The following FHAD1 variants were observed in gnomAD, a reference collection of about 807,000 sequenced individuals.
The protein encoded by FHAD1 is forkhead-associated domain-containing protein 1.
A neutral mutation model predicts 191.3 loss-of-function variants in FHAD1; 146 were observed. That is an observed-to-expected ratio of 0.76 (90% CI 0.67 to 0.88). The LOEUF (loss-of-function observed/expected upper bound fraction) is 0.88. Ranked by LOEUF, FHAD1 falls within the 40% of genes least tolerant of loss-of-function variation. The probability of loss-of-function intolerance (pLI) is 0.00; values close to 1 mark genes in which losing one functional copy is unlikely to be tolerated. For synonymous variants in FHAD1, 616 were observed against 672.3 expected (o/e 0.92, Z 1.29); for missense variants, 1,635 against 1,785.8 (o/e 0.92, Z 1.52).
At chr1:15,353,704 C>CAAAAAAAAAAAAAAAAAAA (rs60518389) in intron 20 of FHAD1, among the ~76,000 whole-genome samples, 127 of 60,840 alleles carry the variant, frequency 2.1e-3, no homozygotes, top group Admixed American at 3.1e-3. Context: ...GACTCCATCT[C>CAAAAAAAAAAAAAAAAAAA]AAAAAAAAAA....
At chr1:15,331,146 A>C (rs545385486) in intron 14 of FHAD1, among the ~76,000 whole-genome samples, 2 of 152,210 alleles carry the variant, frequency 1.3e-5, no homozygotes, top group Admixed American at 6.5e-5. Context: ...CAGAGCAAGG[A>C]ATGCAGGATG....
chr1:15,256,906 C>A (rs918849208), intron 2 of FHAD1, among the ~76,000 whole-genome samples: 1 of 152,118 alleles, frequency 6.6e-6, no homozygotes, highest in African/African-American at 2.4e-5. Context: ...TAGTTGACTC[C>A]TTTCTCTCTA....
intron 31 of FHAD1, chr1:15,383,362 A>G (rs892075759): frequency 3.6e-5 from 15 of 417,808 alleles, no homozygotes; most frequent in African/African-American, 2.8e-4. Flanking sequence ...CATGCTGCCC[A>G]TGACCCATGC....
intron 11 of FHAD1, 191 bp from the exon 12 acceptor site, chr1:15,326,868 G>A (rs2101770591): frequency 1.8e-6 from 1 of 561,558 alleles, no homozygotes. Flanking sequence ...AGTAATTAAA[G>A]CCTGCTGTTC....
At chr1:15,301,791 C>T (rs2100905729) in intron 6 of FHAD1, among the ~76,000 whole-genome samples, 1 of 152,318 alleles carries the variant, frequency 6.6e-6, no homozygotes, top group African/African-American at 2.4e-5. Flanking sequence ...CTTTGGGAGG[C>T]TGAGGCAGGC....
chr1:15,351,213 T>G (rs1466457997), intron 19 of FHAD1, among the ~76,000 whole-genome samples: 2 of 152,190 alleles, frequency 1.3e-5, no homozygotes, highest in East Asian at 1.9e-4. Context: ...GGCCTGGTGG[T>G]GCACACCTGT....
intron 26 of FHAD1, among the ~76,000 whole-genome samples, chr1:15,372,143 T>C (rs1441096884): frequency 6.7e-6 from 1 of 149,748 alleles, no homozygotes; most frequent in Non-Finnish European, 1.5e-5. Context: ...ATGGGGGTGG[T>C]CAGGTGATCA....
intron 1 of FHAD1, among the ~76,000 whole-genome samples, chr1:15,237,417 C>T (rs1375158564): frequency 6.6e-6 from 1 of 152,144 alleles, no homozygotes; most frequent in Non-Finnish European, 1.5e-5. Context: ...TTCCTTCTCT[C>T]CCTCCTGAAA....
intron 2 of FHAD1, among the ~76,000 whole-genome samples, chr1:15,257,678 G>A (rs1573702789): frequency 6.6e-6 from 1 of 152,216 alleles, no homozygotes; most frequent in South Asian, 2.1e-4. Context: ...CAATGCATGG[G>A]CCTACTTTCC....
At chr1:15,359,567 G>T (rs1693999862) in intron 21 of FHAD1, among the ~76,000 whole-genome samples, 1 of 152,140 alleles carries the variant, frequency 6.6e-6, no homozygotes, top group East Asian at 1.9e-4. Flanking sequence ...GCAAATTCTG[G>T]CTGAGCACAG....
intron 10 of FHAD1, among the ~76,000 whole-genome samples, chr1:15,321,043 T>A (rs1676081670): frequency 6.6e-6 from 1 of 152,210 alleles, no homozygotes; most frequent in South Asian, 2.1e-4. Flanking sequence ...CAAGCAATTG[T>A]CCTGCCTCAG....
At chr1:15,362,508 C>G (rs1183865752) in intron 22 of FHAD1, 134 bp from the exon 23 acceptor site, 5 of 692,780 alleles carry the variant, frequency 7.2e-6, no homozygotes, top group Admixed American at 4.3e-5. Context: ...ACATGGCACA[C>G]GTGCAGGTCT....
rs2496336 is a variant in FHAD1 at position 15,386,812 on chromosome 1, G to C, written c.4189-1239G>C. 5.4e-4 allele frequency among the ~76,000 whole-genome samples: 82 copies of C among 151,702 alleles called. 1 individual carries two copies. The highest frequency in any genetic ancestry group is 1.8e-3 in the African/African-American group (75 of 41,340). ...CCTTAGCGAACACAACCTCTCAATC[G>C]TGCTCTTTTCTCTTTTTCTTTTTTT... On this transcript the variant is annotated intron_variant, in intron 31 of 33. Transcript: ENST00000688493.
intron 5 of FHAD1, 113 bp downstream of exon 5, chr1:15,296,906 AC>A: frequency 1.4e-6 from 1 of 726,360 alleles, no homozygotes; most frequent in Non-Finnish European, 2.3e-6. Context: ...CTTCCAAGAA[AC>A]CACCTCTTAC....
intron 23 of FHAD1, among the ~76,000 whole-genome samples, chr1:15,363,300 A>G (rs1387846810): frequency 1.3e-5 from 2 of 152,196 alleles, no homozygotes; most frequent in Non-Finnish European, 2.9e-5. Context: ...TCAGTAGTCC[A>G]CAAATCTATT....
intron 31 of FHAD1, among the ~76,000 whole-genome samples, chr1:15,387,342 T>G (rs544937188): frequency 6.6e-6 from 1 of 152,222 alleles, no homozygotes; most frequent in South Asian, 2.1e-4. Flanking sequence ...TTGGTAGATG[T>G]GTGGGATGAG....
At chr1:15,393,812 A>G (rs1280268331) in intron 33 of FHAD1, among the ~76,000 whole-genome samples, 1 of 151,760 alleles carries the variant, frequency 6.6e-6, no homozygotes, top group Non-Finnish European at 1.5e-5. Flanking sequence ...TTAAATAATA[A>G]CTTTGAGCCC....
intron 6 of FHAD1, among the ~76,000 whole-genome samples, chr1:15,306,882 G>A (rs1670661918): frequency 6.6e-6 from 1 of 152,208 alleles, no homozygotes; most frequent in Admixed American, 6.5e-5. Flanking sequence ...TGGGGTCAGA[G>A]CCCCCACACA....
chr1:15,237,367 T>C (rs1440160086), intron 1 of FHAD1, among the ~76,000 whole-genome samples: 1 of 152,154 alleles, frequency 6.6e-6, no homozygotes, highest in Non-Finnish European at 1.5e-5. Context: ...ATCTTCCAGC[T>C]CTTGTTCCCA....
Sources: allele counts gnomAD v4.1 joint callset (sites outside exome capture counted in the v4.1 genomes callset), GRCh38; gene constraint gnomAD v4.1.1; transcripts MANE v1.5; gene names NCBI Gene and HGNC (gene_info 2026-07-23, HGNC 2026-07-21).